The following MDGA2 variants were observed in gnomAD, a reference collection of about 807,000 sequenced individuals.
MDGA2 encodes MAM domain-containing glycosylphosphatidylinositol anchor protein 2.
Under a neutral mutation model 117.8 loss-of-function variants are expected in MDGA2, and 40 were observed. The observed-to-expected ratio is 0.34, with a 90% CI of 0.26 to 0.44. The LOEUF is 0.44. Ranked by LOEUF, MDGA2 falls within the 20% of genes least tolerant of loss-of-function variation. The pLI is 1.00. For synonymous variants in MDGA2, 452 were observed against 439.0 expected (o/e 1.03, Z -0.37); for missense variants, 1,123 against 1,250.6 (o/e 0.90, Z 1.54).
intron 14 of MDGA2, among the ~76,000 whole-genome samples, chr14:46,857,707 T>G (rs1449014106): frequency 6.6e-6 from 1 of 152,178 alleles, no homozygotes; most frequent in African/African-American, 2.4e-5. Context: ...CAGACTGGTG[T>G]GCAGTGGTGC....
chr14:46,939,264 T>A (rs1206529605), intron 9 of MDGA2, among the ~76,000 whole-genome samples: 1 of 152,200 alleles, frequency 6.6e-6, no homozygotes, highest in African/African-American at 2.4e-5. Flanking sequence ...GACGGGATAT[T>A]GAATGTTTCC....
At chr14:47,336,815 T>G in intron 1 of MDGA2, among the ~76,000 whole-genome samples, 1 of 151,850 alleles carries the variant, frequency 6.6e-6, no homozygotes, top group South Asian at 2.1e-4. Context: ...TTATTTACTT[T>G]TTTAGTTTCC....
intron 2 of MDGA2, among the ~76,000 whole-genome samples, chr14:47,239,653 T>A (rs1159854487): frequency 3.3e-5 from 5 of 151,892 alleles, no homozygotes; most frequent in Admixed American, 2.0e-4. Flanking sequence ...TATTTTACTA[T>A]TACATTTCAA....
chr14:47,254,462 C>T (rs1205868559), intron 2 of MDGA2, among the ~76,000 whole-genome samples: 1 of 152,134 alleles, frequency 6.6e-6, no homozygotes, highest in Non-Finnish European at 1.5e-5. Context: ...GCAAGAGTTG[C>T]CTCTCCTCCA....
chr14:47,580,776 C>T (rs1294855479), intron 1 of MDGA2, among the ~76,000 whole-genome samples: 1 of 151,810 alleles, frequency 6.6e-6, no homozygotes, highest in Non-Finnish European at 1.5e-5. Flanking sequence ...GGTTTTCTTA[C>T]TCTATGGTTT....
In MDGA2 at chr14:47,051,880, G is replaced by A. The variant is rs191567147; in HGVS notation, c.1525+9369C>T. 9.9e-4 allele frequency among the ~76,000 whole-genome samples: 151 copies of A among 151,908 alleles called. 2 individuals carry two copies. Among genetic ancestry groups the A allele is most frequent in the African/African-American group, 3.4e-3 (143 of 41,522 alleles). On this transcript the variant is annotated intron_variant, in intron 7 of 16. Coordinates refer to ENST00000399232, the MANE Select transcript of MDGA2 (RefSeq NM_001113498.3). ...CTGTGACCATAAAAATCTGAAGTGT[G>A]ATCATAACTACATTAGTAGTGAACA...
chr14:47,328,551 G>A (rs1283309547), intron 1 of MDGA2, among the ~76,000 whole-genome samples: 1 of 152,086 alleles, frequency 6.6e-6, no homozygotes, highest in African/African-American at 2.4e-5. Context: ...CACACTGTAC[G>A]TGCTCACAGC....
intron 14 of MDGA2, among the ~76,000 whole-genome samples, chr14:46,866,199 G>T (rs1476810896): frequency 6.6e-6 from 1 of 152,006 alleles, no homozygotes; most frequent in African/African-American, 2.4e-5. Flanking sequence ...CAGAGATATA[G>T]ATCAATGGAA....
chr14:47,109,778 T>G (rs1276787650), intron 5 of MDGA2, among the ~76,000 whole-genome samples: 1 of 152,034 alleles, frequency 6.6e-6, no homozygotes, highest in African/African-American at 2.4e-5. Context: ...AAAATATGCC[T>G]CTACCAAAAA....
At chr14:47,479,996 C>G (rs1193564960) in intron 1 of MDGA2, among the ~76,000 whole-genome samples, 1 of 152,092 alleles carries the variant, frequency 6.6e-6, no homozygotes, top group Non-Finnish European at 1.5e-5. Context: ...CCTTTCTATT[C>G]TCTCTTCCTC....
intron 10 of MDGA2, among the ~76,000 whole-genome samples, chr14:46,898,703 T>G (rs1883174206): frequency 6.6e-6 from 1 of 152,060 alleles, no homozygotes; most frequent in Non-Finnish European, 1.5e-5. Flanking sequence ...GAAAGGGAGT[T>G]AGGAAAATAA....
intron 1 of MDGA2, among the ~76,000 whole-genome samples, chr14:47,366,949 G>T (rs1400592734): frequency 6.7e-6 from 1 of 148,480 alleles, no homozygotes; most frequent in Non-Finnish European, 1.5e-5. Flanking sequence ...AATAGAATTT[G>T]TATGTGAAAA....
chr14:46,983,224 C>T (rs1566559141), intron 8 of MDGA2, among the ~76,000 whole-genome samples: 1 of 152,112 alleles, frequency 6.6e-6, no homozygotes, highest in African/African-American at 2.4e-5. Flanking sequence ...AGGAGCATTA[C>T]AAATAAAATA....
chr14:47,485,838 T>C (rs1894049455), intron 1 of MDGA2, among the ~76,000 whole-genome samples: 2 of 152,138 alleles, frequency 1.3e-5, no homozygotes, highest in African/African-American at 2.4e-5. Flanking sequence ...GTCAAAAATT[T>C]GGGTTTGGAA....
At chr14:47,605,602 A>G (rs529083912) in intron 1 of MDGA2, among the ~76,000 whole-genome samples, 1 of 152,188 alleles carries the variant, frequency 6.6e-6, no homozygotes, top group Non-Finnish European at 1.5e-5. Flanking sequence ...GGCAATGCCC[A>G]ATGTTCCCAT....
At chr14:47,073,148 A>G (rs1334642153) in intron 6 of MDGA2, among the ~76,000 whole-genome samples, 1 of 152,202 alleles carries the variant, frequency 6.6e-6, no homozygotes, top group Admixed American at 6.5e-5. Context: ...CGAATTTCTA[A>G]CACTGAGTAT....
At chr14:47,115,515 T>A (rs1425518299) in intron 5 of MDGA2, among the ~76,000 whole-genome samples, 1 of 152,048 alleles carries the variant, frequency 6.6e-6, no homozygotes, top group Non-Finnish European at 1.5e-5. Context: ...AGTTTTTTTT[T>A]ATTTCTATGT....
chr14:47,383,850 A>C (rs899310148), intron 1 of MDGA2, among the ~76,000 whole-genome samples: 1 of 152,144 alleles, frequency 6.6e-6, no homozygotes, highest in Non-Finnish European at 1.5e-5. Context: ...CTAATGCACA[A>C]AGCACTCTAA....
intron 9 of MDGA2, among the ~76,000 whole-genome samples, chr14:46,946,769 C>T (rs1885184213): frequency 6.6e-6 from 1 of 151,978 alleles, no homozygotes; most frequent in African/African-American, 2.4e-5. Flanking sequence ...TCTCTTTTAC[C>T]CCTAAGTTCC....
Sources: allele counts gnomAD v4.1 joint callset (sites outside exome capture counted in the v4.1 genomes callset), GRCh38; gene constraint gnomAD v4.1.1; transcripts MANE v1.5; gene names NCBI Gene and HGNC (gene_info 2026-07-23, HGNC 2026-07-21).